Variants in EML4 observed in about 807,000 individuals in gnomAD.
EML4 encodes echinoderm microtubule-associated protein-like 4.
A neutral mutation model predicts 129.0 loss-of-function variants in EML4; 72 were observed. The ratio of observed to expected loss-of-function variants is 0.56; its 90% confidence interval spans 0.46 to 0.68. The LOEUF is 0.68. Among genes scored for constraint, EML4 ranks in the 30% least tolerant of loss-of-function variants. EML4 has a pLI of 0.00. For missense variants in EML4, 1,363 were observed against 1,190.6 expected, an observed-to-expected ratio of 1.14 and a Z score of -2.13; for synonymous variants, 532 against 405.0, an observed-to-expected ratio of 1.31 and a Z score of -3.77.
At chr2:42,190,246 GTCTCT>G (rs1671507835) in intron 1 of EML4, among the ~76,000 whole-genome samples, 2 of 152,192 alleles carry the variant, frequency 1.3e-5, no homozygotes, top group South Asian at 4.1e-4. Context: ...GCAACCTTAA[GTCTCT>G]TCCCTCCCAT....
intron 1 of EML4, among the ~76,000 whole-genome samples, chr2:42,185,591 T>A (rs765540931): frequency 1.3e-5 from 2 of 152,124 alleles, no homozygotes; most frequent in South Asian, 4.1e-4. Flanking sequence ...CATGGGGTCA[T>A]TGGGGAACTG....
intron 7 of EML4, among the ~76,000 whole-genome samples, chr2:42,281,636 C>T (rs1439544005): frequency 6.6e-6 from 1 of 152,150 alleles, no homozygotes; most frequent in Non-Finnish European, 1.5e-5. Context: ...TAACCCATAC[C>T]TCACAGGGGC....
In EML4 at chr2:42,281,678, T is replaced by G. The variant is rs17029522; in HGVS notation, c.791+705T>G. On this transcript the variant is annotated intron_variant, in intron 7 of 22. Coordinates refer to ENST00000318522, the MANE Select transcript of EML4 (RefSeq NM_019063.5). The stretch of plus-strand genomic sequence containing the variant: ...AGGAATTAAATAAGAAAACATCAGT[T>G]AAGCATTTTGTAACCTCAAATTAAC... Among the ~76,000 whole-genome samples, 569 of 152,340 alleles carry G rather than the reference T, an allele frequency of 3.7e-3. 6 individuals are homozygous for G. Among genetic ancestry groups the G allele is most frequent in the African/African-American group, 0.013 (538 of 41,586 alleles).
chr2:42,276,005 C>T (rs1023504023), intron 6 of EML4, among the ~76,000 whole-genome samples: 5 of 152,022 alleles, frequency 3.3e-5, no homozygotes, highest in African/African-American at 1.2e-4. Context: ...ATAATACATA[C>T]TGACTATAAG....
At chr2:42,286,824 A>C (rs1017173858) in intron 10 of EML4, among the ~76,000 whole-genome samples, 1 of 152,254 alleles carries the variant, frequency 6.6e-6, no homozygotes, top group African/African-American at 2.4e-5. Flanking sequence ...AGCAGCAGAA[A>C]CAATCAGACC....
At chr2:42,327,363 G>A (rs998469880) in intron 21 of EML4, among the ~76,000 whole-genome samples, 1 of 152,148 alleles carries the variant, frequency 6.6e-6, no homozygotes, top group Non-Finnish European at 1.5e-5. Flanking sequence ...ATTTACCTAG[G>A]AGTAGAATTG....
intron 1 of EML4, among the ~76,000 whole-genome samples, chr2:42,204,765 G>T (rs1672440361): frequency 6.6e-6 from 1 of 152,088 alleles, no homozygotes; most frequent in Admixed American, 6.6e-5. Context: ...AAACAGAAAT[G>T]GATGATTCTT....
At position 42,307,313 on chromosome 2, in the gene EML4, A is replaced by G. The variant is rs116000694; in HGVS notation, c.1967+2762A>G. Among the ~76,000 whole-genome samples, 363 of 152,362 alleles carry G rather than the reference A, an allele frequency of 2.4e-3. 1 individual carries two copies. Among genetic ancestry groups the G allele is most frequent in the African/African-American group, 7.7e-3 (320 of 41,584 alleles). On this transcript the variant is annotated intron_variant, in intron 17 of 22. Transcript: ENST00000318522. ...AGTGACTTAAACTAAAGGTAAGCCA[A>G]TTGGTTTCTCTTGGAGTTGTAAGTA...
At chr2:42,184,221 ACT>A (rs1246121130) in intron 1 of EML4, among the ~76,000 whole-genome samples, 5 of 151,430 alleles carry the variant, frequency 3.3e-5, no homozygotes, top group Non-Finnish European at 5.9e-5. Flanking sequence ...ATTCTAACAC[ACT>A]GTTTTCTTTT....
chr2:42,301,294 C>G lies in EML4; in HGVS notation c.1543C>G (p.Leu515Val). The G allele has an allele frequency of 1.9e-6, 3 of 1,613,086 alleles. No individual in the cohort carries two copies. The highest frequency in any genetic ancestry group is 2.2e-5 in the South Asian group (2 of 91,014). Residue 515 changes from leucine (L) to valine (V), a missense_variant, in exon 14 of 23, where the codon CTT becomes GTT. By Grantham distance (32) the Leu-to-Val change is conservative. Coordinates refer to ENST00000318522, the MANE Select transcript of EML4 (RefSeq NM_019063.5). Reference sequence around the variant, plus strand: ...AGCTCATGATGGCAGTGTGTTCACACTTTGTCAGATGAGAAATGGGATGTT... The same window carrying G: ...AGCTCATGATGGCAGTGTGTTCACAGTTTGTCAGATGAGAAATGGGATGTT... ...IKAHDGSVFT[L>V]CQMRNGMLLT...
chr2:42,184,479 ACT>A (rs1001346230), intron 1 of EML4, among the ~76,000 whole-genome samples: 2 of 145,542 alleles, frequency 1.4e-5, no homozygotes, highest in African/African-American at 5.1e-5. Flanking sequence ...TATGAGATAA[ACT>A]CTAGTATGGT....
At chr2:42,209,083 C>A (rs905923914) in intron 1 of EML4, among the ~76,000 whole-genome samples, 11 of 152,056 alleles carry the variant, frequency 7.2e-5, no homozygotes, top group African/African-American at 2.7e-4. Context: ...ATTTAAACTG[C>A]ATCTTTATAA....
At chr2:42,182,757 T>G (rs1250019954) in intron 1 of EML4, among the ~76,000 whole-genome samples, 6 of 152,178 alleles carry the variant, frequency 3.9e-5, no homozygotes, top group Non-Finnish European at 8.8e-5. Flanking sequence ...TTAAACAACA[T>G]AAACATATTT....
intron 17 of EML4, among the ~76,000 whole-genome samples, chr2:42,310,589 G>C (rs1260282527): frequency 6.6e-6 from 1 of 152,144 alleles, no homozygotes; most frequent in African/African-American, 2.4e-5. Context: ...CAAGTGATCT[G>C]CTTGTCTCAG....
rs545110337 is a variant in EML4, at chr2:42,237,897, A to C, written c.26-7608A>C. Among the ~76,000 whole-genome samples, 4 of 152,306 alleles carry C rather than the reference A, an allele frequency of 2.6e-5. No individual in the cohort carries two copies. In the East Asian group the frequency reaches 7.7e-4, roughly 29 times the overall value. On this transcript the variant is annotated intron_variant, in intron 1 of 22. Transcript: ENST00000318522. The stretch of plus-strand genomic sequence containing the variant: ...GCTTGCATTTTCCTGTTAAGTACTT[A>C]AGTATGAATAAGTTTTAAAAAGTGA...
intron 1 of EML4, among the ~76,000 whole-genome samples, chr2:42,189,523 T>C (rs1263261629): frequency 2.6e-5 from 4 of 152,204 alleles, no homozygotes; most frequent in Admixed American, 1.3e-4. Context: ...AAGGTGGCAA[T>C]GAGCTGTGAT....
At chr2:42,305,223 G>C (rs1241804828) in intron 17 of EML4, among the ~76,000 whole-genome samples, 1 of 152,142 alleles carries the variant, frequency 6.6e-6, no homozygotes, top group East Asian at 1.9e-4. Context: ...ACCAGCCTGG[G>C]TGAGACACCA....
chr2:42,216,961 T>C (rs965607799), intron 1 of EML4, among the ~76,000 whole-genome samples: 2 of 152,184 alleles, frequency 1.3e-5, no homozygotes, highest in African/African-American at 4.8e-5. Context: ...TGGTTCCTGG[T>C]TGATTTTGAA....
intron 1 of EML4, among the ~76,000 whole-genome samples, chr2:42,209,549 A>G (rs1308398991): frequency 6.6e-6 from 1 of 152,230 alleles, no homozygotes; most frequent in African/African-American, 2.4e-5. Context: ...AACTTTAGTT[A>G]TCTGAGTACT....
Sources: gnomAD v4.1 joint callset for allele counts (sites outside exome capture counted in the v4.1 genomes callset) on GRCh38, gnomAD v4.1.1 for gene constraint, MANE v1.5 for transcripts, NCBI Gene and HGNC (gene_info 2026-07-23, HGNC 2026-07-21) for gene names.